Variants in RAB25 observed in about 807,000 individuals in gnomAD.
RAB25 encodes the protein RAB25, member RAS oncogene family, also known as ras-related protein Rab-25.
RAB25 carries 23 observed loss-of-function variants against 25.2 expected under a neutral mutation model. That is an observed-to-expected ratio of 0.91 (90% CI 0.66 to 1.29). The LOEUF (loss-of-function observed/expected upper bound fraction) is 1.29. RAB25 is among the 50% of genes most tolerant of loss of function. RAB25 has a pLI of 0.00. For synonymous variants in RAB25, 102 were observed against 111.5 expected (o/e 0.91, Z 0.54); for missense variants, 244 against 277.3 (o/e 0.88, Z 0.85).
At chr1:156,067,755 T>G (rs150131983) in intron 2 of RAB25, among the ~76,000 whole-genome samples, 4 of 152,176 alleles carry the variant, frequency 2.6e-5, no homozygotes, top group East Asian at 3.9e-4. Context: ...ACTTTATTTA[T>G]TTAGTTAGTT....
chr1:156,061,308 C>G lies in RAB25; in HGVS notation c.-93C>G, dbSNP rs1166747151. ...AATGAGAGGAGGGGCAGGACCAGATCTTTTGAGAGCTGAGGGTTGAGGGCA... is the reference window on the plus strand; with the variant it reads ...AATGAGAGGAGGGGCAGGACCAGATGTTTTGAGAGCTGAGGGTTGAGGGCA... On this transcript the variant is annotated 5_prime_UTR_variant, in exon 1 of 5. In the 5' UTR this introduces an upstream ATG that the reference lacks. Transcript: ENST00000361084. The G allele has an allele frequency of 1.5e-6, 2 of 1,335,570 alleles. No homozygotes were observed. Among genetic ancestry groups the G allele is most frequent in the East Asian group, 2.3e-5 (1 of 43,272 alleles). 82.7% of individuals were successfully genotyped at this position (1,335,570 alleles called of 1,614,324 possible). A position where few individuals can be genotyped will look rare whatever the true frequency, so the allele number is the denominator to read the frequency against.
chr1:156,068,136 C>T, intron 2 of RAB25, 134 bp from the exon 3 acceptor site: 1 of 789,580 alleles, frequency 1.3e-6, no homozygotes, highest in Non-Finnish European at 2.1e-6. Context: ...GGTTCTGGGC[C>T]CCTGGCCGCA....
chr1:156,070,151 C>T lies in RAB25; in HGVS notation c.515-9C>T, dbSNP rs778982244. 1 of 1,614,082 alleles carries T rather than the reference C, an allele frequency of 6.2e-7. No homozygotes were observed. The highest frequency in any genetic ancestry group is 1.3e-5 in the African/African-American group (1 of 75,002). ...CTTCTGGCCTGATCACTGCCCTCTG[C>T]CCTCCCAGAAATCTTTGCGAAGGTG... On this transcript the variant is annotated splice_polypyrimidine_tract_variant and intron_variant, in intron 4 of 4. Transcript: ENST00000361084.
chr1:156,064,488 G>A (rs939992730), intron 1 of RAB25, among the ~76,000 whole-genome samples: 2 of 150,106 alleles, frequency 1.3e-5, no homozygotes, highest in East Asian at 1.9e-4. Flanking sequence ...ACACAAACTC[G>A]GCTCACTGCA....
In RAB25 at chr1:156,068,320, A is replaced by C. The variant is rs1437175762; in HGVS notation, c.290A>C (p.His97Pro). 1 of 1,614,070 alleles carries C rather than the reference A, an allele frequency of 6.2e-7. No individual in the cohort carries two copies. Among genetic ancestry groups the C allele is most frequent in the Admixed American group, 1.7e-5 (1 of 60,020 alleles). Reference sequence around the variant, plus strand: ...CTCCTGGTGTTTGACCTAACCAAGCACCAGACCTATGCTGTGGTGGAGCGA... The same window carrying C: ...CTCCTGGTGTTTGACCTAACCAAGCCCCAGACCTATGCTGTGGTGGAGCGA... ...GALLVFDLTK[H>P]QTYAVVERWL... The change falls in exon 3 of 5, where the codon CAC becomes CCC. Residue 97 changes from histidine (H) to proline (P), a missense_variant. His to Pro is a moderately conservative substitution (Grantham distance 77). Transcript: ENST00000361084.
chr1:156,064,907 C>T (rs1257568132), intron 1 of RAB25, among the ~76,000 whole-genome samples: 1 of 152,174 alleles, frequency 6.6e-6, no homozygotes, highest in Non-Finnish European at 1.5e-5. Context: ...GTGGCCTCCT[C>T]TAATTCTGTG....
intron 3 of RAB25, among the ~76,000 whole-genome samples, chr1:156,068,712 C>T (rs1467310979): frequency 5.0e-5 from 7 of 140,446 alleles, no homozygotes; most frequent in East Asian, 4.0e-4. Context: ...TTTTTGAGAC[C>T]GGGTCTCAAT....
intron 1 of RAB25, among the ~76,000 whole-genome samples, chr1:156,063,987 A>AC: frequency 6.6e-6 from 1 of 152,332 alleles, no homozygotes; most frequent in Non-Finnish European, 1.5e-5. Flanking sequence ...TTAGAGGCAA[A>AC]GTAGTTTACA....
chr1:156,061,538 T>C, intron 1 of RAB25, 95 bp downstream of exon 1: 1 of 1,288,002 alleles, frequency 7.8e-7, no homozygotes, highest in Non-Finnish European at 1.1e-6. Flanking sequence ...TTTTATCTCT[T>C]ACCAAGACCT....
At chr1:156,068,231 C>T in intron 2 of RAB25, 39 bp from the exon 3 acceptor site, 2 of 1,542,350 alleles carry the variant, frequency 1.3e-6, no homozygotes, top group Non-Finnish European at 9.0e-7. Context: ...TCCAATGCCT[C>T]TGATCGTATC....
intron 1 of RAB25, among the ~76,000 whole-genome samples, chr1:156,063,262 C>G (rs571449925): frequency 2.6e-4 from 39 of 151,928 alleles, no homozygotes; most frequent in Admixed American, 1.6e-3. Context: ...AAGCGATTCT[C>G]CTGCCTCAGC....
At chr1:156,070,097 T>G (rs28534050) in intron 4 of RAB25, 63 bp from the exon 5 acceptor site, 1 of 1,612,418 alleles carries the variant, frequency 6.2e-7, no homozygotes, top group Non-Finnish European at 8.5e-7. Context: ...TATGGGGGGG[T>G]TGGGGAGAAG....
chr1:156,065,860 G>A (rs746104045), intron 1 of RAB25, 51 bp from the exon 2 acceptor site: 4 of 1,409,492 alleles, frequency 2.8e-6, no homozygotes, highest in South Asian at 1.5e-5. Flanking sequence ...GCTCAGGTGG[G>A]GTTGGAGCTG....
chr1:156,066,180 TGGG>T, intron 2 of RAB25, 74 bp downstream of exon 2: 1 of 928,658 alleles, frequency 1.1e-6, no homozygotes, highest in Non-Finnish European at 1.3e-6. Context: ...GGAGGAGAAG[TGGG>T]GGAGGAGGAG....
At chr1:156,063,214 C>CAA (rs1356658795) in intron 1 of RAB25, among the ~76,000 whole-genome samples, 7 of 151,994 alleles carry the variant, frequency 4.6e-5, no homozygotes, top group African/African-American at 1.7e-4. Flanking sequence ...TGGCTCACTG[C>CAA]AATCTCCGCC....
intron 1 of RAB25, among the ~76,000 whole-genome samples, chr1:156,063,503 T>G (rs938492814): frequency 6.6e-6 from 1 of 152,152 alleles, no homozygotes; most frequent in Non-Finnish European, 1.5e-5. Context: ...GGAAACATAA[T>G]TGGGCAGAGG....
At chr1:156,061,472 A>G in intron 1 of RAB25, 29 bp downstream of exon 1, 2 of 1,609,446 alleles carry the variant, frequency 1.2e-6, no homozygotes, top group Non-Finnish European at 1.7e-6. Flanking sequence ...AGCAAGAGGA[A>G]GCCTGAGAGA....
chr1:156,070,213 A>G lies in RAB25; in HGVS notation c.568A>G (p.Ile190Val). ...QRQNSIRTNA[I>V]TLGSAQAGQE... is the part of the protein sequence containing the mutation. ...ACAGAACAGCATCCGGACCAATGCC[A>G]TCACTCTGGGCAGTGCCCAGGCTGG... Residue 190 changes from isoleucine (I) to valine (V), a missense_variant, in exon 5 of 5, where the codon ATC (isoleucine) becomes GTC (valine). Ile to Val is a conservative substitution (Grantham distance 29, BLOSUM62 3). Coordinates refer to ENST00000361084, the MANE Select transcript of RAB25 (RefSeq NM_020387.4). The G allele has an allele frequency of 1.2e-6, 2 of 1,614,080 alleles. No individual in the cohort carries two copies. Among genetic ancestry groups the G allele is most frequent in the Non-Finnish European group, 1.7e-6 (2 of 1,179,992 alleles).
rs758849548 is a variant in RAB25, at chr1:156,070,289, C to T, written c.*2C>T. 6.2e-7 allele frequency: 1 copy of T among 1,612,934 alleles called. No individual in the cohort carries two copies. Among genetic ancestry groups the T allele is most frequent in the South Asian group, 1.1e-5 (1 of 91,052 alleles). ...AGGGCCTGTTGCATCAGCCTCTGACCTTGGCCAGCACCACCTGCCCCCACT... is the reference window on the plus strand; with the variant it reads ...AGGGCCTGTTGCATCAGCCTCTGACTTTGGCCAGCACCACCTGCCCCCACT... On this transcript the variant is annotated 3_prime_UTR_variant, in exon 5 of 5. Transcript: ENST00000361084.
Sources: allele counts gnomAD v4.1 joint callset (sites outside exome capture counted in the v4.1 genomes callset), GRCh38; gene constraint gnomAD v4.1.1; transcripts MANE v1.5; gene names NCBI Gene and HGNC (gene_info 2026-07-23, HGNC 2026-07-21).